Variants in NMT2 observed in about 807,000 individuals in gnomAD.
The protein encoded by NMT2 is N-myristoyltransferase 2.
In NMT2, 35 loss-of-function variants were observed where a neutral mutation model predicts 65.4. The ratio of observed to expected loss-of-function variants is 0.54; its 90% confidence interval spans 0.41 to 0.71. The LOEUF (loss-of-function observed/expected upper bound fraction) is 0.71, where lower values mean the gene tolerates loss of function less well. NMT2 is among the 30% of genes least tolerant of loss of function. The pLI is 0.00. For missense variants in NMT2, 489 were observed against 611.3 expected (o/e 0.80, Z 2.11); for synonymous variants, 226 against 231.8 (o/e 0.98, Z 0.23).
intron 8 of NMT2, among the ~76,000 whole-genome samples, chr10:15,119,860 A>G (rs963720791): frequency 7.9e-5 from 12 of 152,346 alleles, no homozygotes; most frequent in Admixed American, 2.6e-4. Context: ...ATGTACGCCA[A>G]TACCCAAAAC....
At chr10:15,154,113 C>T (rs982096555) in intron 1 of NMT2, among the ~76,000 whole-genome samples, 9 of 152,204 alleles carry the variant, frequency 5.9e-5, no homozygotes, top group African/African-American at 2.2e-4. Flanking sequence ...GGGCTGGCTC[C>T]CTCTGTCCTG....
At chr10:15,120,775 A>G (rs1353191897) in intron 8 of NMT2, among the ~76,000 whole-genome samples, 1 of 152,144 alleles carries the variant, frequency 6.6e-6, no homozygotes, top group Non-Finnish European at 1.5e-5. Context: ...ATAGCCAAGT[A>G]TTTTCTAAAG....
In NMT2 at chr10:15,155,230, T is replaced by C. The variant is rs1173092244; in HGVS notation, c.110+13273A>G. On this transcript the variant is annotated intron_variant, in intron 1 of 11. Transcript: ENST00000378165. ...CTCAGAGCACGAAAGTTTTCTGTCT[T>C]TGGAAACTTGTCTGCAAACAGTTCG... 7 of 1,511,934 alleles carry C rather than the reference T, an allele frequency of 4.6e-6. No individual in the cohort carries two copies. The East Asian group carries it at 1.6e-4, about 34-fold the overall frequency. The allele number at this position is 1,511,934 out of a possible 1,614,324, so 93.7% of individuals were successfully genotyped here.
chr10:15,105,887 A>G lies in NMT2; in HGVS notation c.*3308T>C. ...AAATGTAGTTATTATTCTATTTAAA[A>G]GTGGTTAATAATTTGATAACAAATT... On this transcript the variant is annotated 3_prime_UTR_variant, in exon 12 of 12. Transcript: ENST00000378165. 1 of 228,960 alleles carries G rather than the reference A, an allele frequency of 4.4e-6. No homozygotes were observed. The highest frequency in any genetic ancestry group is 9.2e-6 in the Non-Finnish European group (1 of 109,228). 14.2% of individuals were successfully genotyped at this position (228,960 alleles called of 1,614,324 possible). A position where few individuals can be genotyped will look rare whatever the true frequency, so the allele number is the denominator to read the frequency against.
chr10:15,151,127 C>T (rs188007633), intron 1 of NMT2, among the ~76,000 whole-genome samples: 1 of 150,670 alleles, frequency 6.6e-6, no homozygotes, highest in East Asian at 1.9e-4. Flanking sequence ...GGTGCAATCT[C>T]GGATCACTGC....
chr10:15,109,924 T>C (rs1349833248), intron 10 of NMT2, 85 bp from the exon 11 acceptor site: 5 of 1,070,250 alleles, frequency 4.7e-6, no homozygotes, highest in Non-Finnish European at 6.8e-6. Context: ...ATTCTACTAA[T>C]AGCTCGAATA....
intron 1 of NMT2, among the ~76,000 whole-genome samples, chr10:15,162,816 C>G (rs1050147752): frequency 6.8e-6 from 1 of 146,306 alleles, no homozygotes; most frequent in Non-Finnish European, 1.5e-5. Flanking sequence ...TATTATATAT[C>G]TGTATTTGAT....
intron 2 of NMT2, among the ~76,000 whole-genome samples, chr10:15,135,891 AAGAG>A (rs951450391): frequency 6.7e-6 from 1 of 149,974 alleles, no homozygotes; most frequent in African/African-American, 2.5e-5. Flanking sequence ...GGAGGGAAAG[AAGAG>A]AGAGAGAGAA....
At chr10:15,146,057 T>C (rs1846952989) in intron 1 of NMT2, among the ~76,000 whole-genome samples, 1 of 152,196 alleles carries the variant, frequency 6.6e-6, no homozygotes, top group Non-Finnish European at 1.5e-5. Context: ...CTGCATATCA[T>C]GTGGCCCTTT....
chr10:15,128,373 T>C lies in NMT2; in HGVS notation c.976A>G (p.Met326Val), dbSNP rs763978663. The C allele has an allele frequency of 3.1e-6, 5 of 1,601,846 alleles. No homozygotes were observed. The highest frequency in any genetic ancestry group is 3.3e-5 in the Admixed American group (2 of 59,882). ...ACATCTGGAAGTCTGTATAGCTTCA[T>C]TGTTCTCTGTAAAGTCATATTTCTA... ...LSRNMTLQRT[M>V]KLYRLPDVTK... Residue 326 changes from methionine (M) to valine (V), a missense_variant, in exon 8 of 12, where the codon ATG becomes GTG. Transcript: ENST00000378165.
chr10:15,154,841 C>T (rs1832934940), intron 1 of NMT2: 1 of 775,902 alleles, frequency 1.3e-6, no homozygotes, highest in South Asian at 1.3e-5. Context: ...TCTTCCTGCT[C>T]TTGCCATTCT....
Position 15,107,698 on chromosome 10 carries a change from G to C in NMT2, c.*1497C>G, listed in dbSNP as rs767480645. The C allele has an allele frequency of 5.8e-6, 5 of 861,410 alleles. No homozygotes were observed. Among genetic ancestry groups the C allele is most frequent in the African/African-American group, 1.8e-5 (1 of 54,274 alleles). The allele number at this position is 861,410 out of a possible 1,614,324, so 53.4% of individuals were successfully genotyped here. On this transcript the variant is annotated 3_prime_UTR_variant, in exon 12 of 12. Coordinates refer to ENST00000378165, the MANE Select transcript of NMT2 (RefSeq NM_004808.3). ...TCGAACCCCTGACCTCAAATGTTTC[G>C]CCCGCCTTGGCCTCCCAAAGTGCTG...
chr10:15,141,616 T>G, intron 1 of NMT2, 59 bp from the exon 2 acceptor site: 1 of 1,535,806 alleles, frequency 6.5e-7, no homozygotes, highest in South Asian at 1.2e-5. Flanking sequence ...TAAATGAAAT[T>G]GAATTGCATA....
chr10:15,116,115 C>T (rs1450806945), intron 9 of NMT2, among the ~76,000 whole-genome samples: 1 of 152,180 alleles, frequency 6.6e-6, no homozygotes, highest in African/African-American at 2.4e-5. Flanking sequence ...CTCCACACAA[C>T]CGTAGTGGTA....
In NMT2 at chr10:15,133,391, A is replaced by G. The variant is rs1177511684; in HGVS notation, c.392-28T>C. 10 of 1,519,884 alleles carry G rather than the reference A, an allele frequency of 6.6e-6. No individual in the cohort carries two copies. The African/African-American group carries it at 1.4e-4, about 21-fold the overall frequency. 94.1% of individuals were successfully genotyped at this position (1,519,884 alleles called of 1,614,324 possible). A position where few individuals can be genotyped will look rare whatever the true frequency, so the allele number is the denominator to read the frequency against. ...GAACAGGGAGAGAAAGAGAAAAAAG[A>G]AAGGCAAAAAGCGAGAATATTAAAT... On this transcript the variant is annotated intron_variant, in intron 3 of 11. Transcript: ENST00000378165.
intron 1 of NMT2, among the ~76,000 whole-genome samples, chr10:15,158,794 G>C (rs1221403903): frequency 6.6e-6 from 1 of 152,136 alleles, no homozygotes; most frequent in Non-Finnish European, 1.5e-5. Flanking sequence ...CAAGATCAGG[G>C]TGCCAGCAGG....
intron 6 of NMT2, among the ~76,000 whole-genome samples, chr10:15,130,962 G>T (rs557899549): frequency 2.0e-5 from 3 of 151,828 alleles, no homozygotes; most frequent in African/African-American, 7.2e-5. Context: ...GCTCATTTTT[G>T]TATTTTTAGT....
chr10:15,152,116 T>G (rs1216511621), intron 1 of NMT2, among the ~76,000 whole-genome samples: 2 of 152,232 alleles, frequency 1.3e-5, no homozygotes, highest in Admixed American at 1.3e-4. Context: ...GCCTGTGATA[T>G]GTGTCCAAGG....
intron 1 of NMT2, among the ~76,000 whole-genome samples, chr10:15,149,689 T>G (rs1832737814): frequency 6.6e-6 from 1 of 151,980 alleles, no homozygotes. Context: ...ATATCAACTT[T>G]GTAAACTGTC....
Sources: allele counts gnomAD v4.1 joint callset (sites outside exome capture counted in the v4.1 genomes callset), GRCh38; gene constraint gnomAD v4.1.1; transcripts MANE v1.5; gene names NCBI Gene and HGNC (gene_info 2026-07-23, HGNC 2026-07-21).